The following FAF1 variants were observed in gnomAD, a reference collection of about 807,000 sequenced individuals.
The protein encoded by FAF1 is FAS-associated factor 1.
A neutral mutation model predicts 92.5 loss-of-function variants in FAF1; 25 were observed. The ratio of observed to expected loss-of-function variants is 0.27; its 90% CI spans 0.20 to 0.38. The LOEUF (loss-of-function observed/expected upper bound fraction) is 0.38. Ranked by LOEUF, FAF1 falls within the 10% of genes least tolerant of loss-of-function variation. The pLI is 1.00. For missense variants in FAF1, 636 were observed against 793.3 expected, an observed-to-expected ratio of 0.80 and a Z score of 2.38; for synonymous variants, 234 against 273.2, an observed-to-expected ratio of 0.86 and a Z score of 1.42.
intron 6 of FAF1, among the ~76,000 whole-genome samples, chr1:50,718,331 A>G (rs1225404939): frequency 1.3e-5 from 2 of 152,186 alleles, no homozygotes; most frequent in Non-Finnish European, 2.9e-5. Flanking sequence ...CCCGGCCACA[A>G]TCCACTTTTA....
chr1:50,650,814 A>G (rs1177961518), intron 8 of FAF1, among the ~76,000 whole-genome samples: 2 of 152,152 alleles, frequency 1.3e-5, no homozygotes, highest in African/African-American at 4.8e-5. Flanking sequence ...TAAAGTGTAA[A>G]ATGAGATTTT....
chr1:50,652,578 C>A (rs1353040070), intron 8 of FAF1, among the ~76,000 whole-genome samples: 3 of 152,276 alleles, frequency 2.0e-5, no homozygotes, highest in East Asian at 3.9e-4. Flanking sequence ...TTAAACAAGA[C>A]AACTATTTTT....
chr1:50,550,227 T>C (rs1299359253), intron 13 of FAF1, among the ~76,000 whole-genome samples: 1 of 151,978 alleles, frequency 6.6e-6, no homozygotes, highest in Non-Finnish European at 1.5e-5. Context: ...GGCAGGCACC[T>C]GTAGTCCCAG....
At chr1:50,846,919 A>G (rs1414417405) in intron 2 of FAF1, 7 of 342,868 alleles carry the variant, frequency 2.0e-5, no homozygotes, top group Non-Finnish European at 3.3e-5. Flanking sequence ...ATAGTTTACA[A>G]GCTTGGCCTT....
intron 8 of FAF1, among the ~76,000 whole-genome samples, chr1:50,617,322 T>C (rs901397300): frequency 1.3e-5 from 2 of 152,196 alleles, no homozygotes; most frequent in African/African-American, 4.8e-5. Context: ...ATATGTTCCT[T>C]CAATGCCTCA....
intron 18 of FAF1, among the ~76,000 whole-genome samples, chr1:50,462,779 T>C (rs1322708961): frequency 1.3e-5 from 2 of 152,218 alleles, no homozygotes; most frequent in African/African-American, 4.8e-5. Context: ...AGGATTCTTC[T>C]GAGACTACTT....
At chr1:50,561,669 T>A (rs1649907062) in intron 13 of FAF1, among the ~76,000 whole-genome samples, 1 of 151,858 alleles carries the variant, frequency 6.6e-6, no homozygotes, top group Non-Finnish European at 1.5e-5. Flanking sequence ...CTACCAAAAA[T>A]ACAAAAATTA....
At chr1:50,943,412 T>C (rs973561116) in intron 1 of FAF1, among the ~76,000 whole-genome samples, 1 of 152,170 alleles carries the variant, frequency 6.6e-6, no homozygotes, top group Non-Finnish European at 1.5e-5. Flanking sequence ...AAGATATTAA[T>C]CTAGGAACAA....
Position 50,960,084 on chromosome 1 carries a change from G to A in FAF1, c.-273C>T, listed in dbSNP as rs1645304456. ...CCCGGACAGGAAGATTGGTCTGGAT[G>A]TGGGTCCGGTCTTACAGTCGCGGGC... is the stretch of plus-strand genomic sequence containing the variant. On this transcript the variant is annotated 5_prime_UTR_variant, in exon 1 of 19. Transcript: ENST00000396153. 2.5e-6 allele frequency: 1 copy of A among 393,168 alleles called. No individual in the cohort carries two copies. Among genetic ancestry groups the A allele is most frequent in the Non-Finnish European group, 4.5e-6 (1 of 222,472 alleles). 24.4% of individuals were successfully genotyped at this position (393,168 alleles called of 1,614,324 possible).
At chr1:50,706,440 A>T (rs770263600) in intron 6 of FAF1, among the ~76,000 whole-genome samples, 1 of 152,222 alleles carries the variant, frequency 6.6e-6, no homozygotes, top group Non-Finnish European at 1.5e-5. Flanking sequence ...AGAATTTAGA[A>T]ACTGGAGAAA....
intron 4 of FAF1, among the ~76,000 whole-genome samples, chr1:50,774,472 C>T (rs958720074): frequency 6.6e-6 from 1 of 152,108 alleles, no homozygotes; most frequent in African/African-American, 2.4e-5. Flanking sequence ...ACTGAAAATG[C>T]ACCTGCTAAA....
intron 17 of FAF1, among the ~76,000 whole-genome samples, chr1:50,478,634 A>G (rs1327390496): frequency 6.6e-6 from 1 of 152,256 alleles, no homozygotes; most frequent in Admixed American, 6.5e-5. Flanking sequence ...CTAATTTTTA[A>G]AATATTTTAA....
intron 9 of FAF1, among the ~76,000 whole-genome samples, chr1:50,589,143 G>T (rs775038141): frequency 7.9e-5 from 12 of 152,188 alleles, no homozygotes; most frequent in Non-Finnish European, 1.6e-4. Flanking sequence ...CTGGCAGCAT[G>T]CAGTAGCCTA....
At chr1:50,778,027 G>A (rs1173965821) in intron 4 of FAF1, among the ~76,000 whole-genome samples, 4 of 152,142 alleles carry the variant, frequency 2.6e-5, no homozygotes, top group Admixed American at 2.0e-4. Flanking sequence ...GCTTGGTAAC[G>A]CTAGAAAGAA....
chr1:50,890,109 C>A (rs942851717), intron 1 of FAF1, among the ~76,000 whole-genome samples: 1 of 152,206 alleles, frequency 6.6e-6, no homozygotes, highest in African/African-American at 2.4e-5. Flanking sequence ...GATCCCTTTA[C>A]TACTATGTAA....
chr1:50,684,487 G>C (rs146906006), intron 7 of FAF1, among the ~76,000 whole-genome samples: 127 of 152,236 alleles, frequency 8.3e-4, no homozygotes, highest in Non-Finnish European at 1.4e-3. Flanking sequence ...CATTCAGGCA[G>C]AGATGAACTT....
intron 15 of FAF1, among the ~76,000 whole-genome samples, chr1:50,506,973 G>A (rs552861755): frequency 6.6e-5 from 10 of 152,212 alleles, no homozygotes; most frequent in Admixed American, 2.0e-4. Context: ...TTTAAAAGAC[G>A]GCTGGAAGAA....
At chr1:50,881,547 A>G (rs930289070) in intron 1 of FAF1, among the ~76,000 whole-genome samples, 1 of 152,232 alleles carries the variant, frequency 6.6e-6, no homozygotes, top group African/African-American at 2.4e-5. Flanking sequence ...CCAGTCTACA[A>G]TGAAGTCTTC....
At chr1:50,593,797 T>C (rs1316695510) in intron 9 of FAF1, among the ~76,000 whole-genome samples, 1 of 152,188 alleles carries the variant, frequency 6.6e-6, no homozygotes, top group Non-Finnish European at 1.5e-5. Flanking sequence ...ACAACTTCAA[T>C]TACATAACTC....
Sources: allele counts gnomAD v4.1 joint callset (sites outside exome capture counted in the v4.1 genomes callset), GRCh38; gene constraint gnomAD v4.1.1; transcripts MANE v1.5; gene names NCBI Gene and HGNC (gene_info 2026-07-23, HGNC 2026-07-21).